TOP2A: variants seen among roughly 807,000 people sequenced by gnomAD.
The protein encoded by TOP2A is DNA topoisomerase 2-alpha.
A neutral mutation model predicts 187.2 loss-of-function variants in TOP2A; 68 were observed. That is an observed-to-expected ratio of 0.36 (90% CI 0.30 to 0.44). TOP2A has a LOEUF of 0.44. Ranked by LOEUF, TOP2A falls within the 20% of genes least tolerant of loss-of-function variation. The pLI is 1.00. For synonymous variants in TOP2A, 542 were observed against 593.2 expected (o/e 0.91, Z 1.25); for missense variants, 1,196 against 1,808.7 (o/e 0.66, Z 6.14).
At chr17:40,399,502 C>T (rs2035148533) in intron 24 of TOP2A, among the ~76,000 whole-genome samples, 1 of 150,534 alleles carries the variant, frequency 6.6e-6, no homozygotes, top group Non-Finnish European at 1.5e-5. Context: ...CGTAATCTTC[C>T]TGCCTTTTTT....
Position 40,411,846 on chromosome 17 carries a change from TAAGA to T in TOP2A, c.790-32_790-29del, listed in dbSNP as rs1390930702. The stretch of plus-strand genomic sequence containing the variant: ...GTACAGGAATTAAAGGTAACAGTAT[TAAGA>T]AAGTTATTAAAAAATAGGTTCAATG... On this transcript the variant is annotated intron_variant, in intron 7 of 34. Coordinates refer to ENST00000423485, the MANE Select transcript of TOP2A (RefSeq NM_001067.4). The surrounding 1 kb of genome is among the most constrained non-coding windows in gnomAD (Gnocchi z 4.4). 9.8e-6 allele frequency: 15 copies of T among 1,531,726 alleles called. No homozygotes were observed. The highest frequency in any genetic ancestry group is 1.3e-5 in the Non-Finnish European group (15 of 1,142,674). 94.9% of individuals were successfully genotyped at this position (1,531,726 alleles called of 1,614,324 possible).
chr17:40,390,241 T>G (rs2035005678), intron 33 of TOP2A, 77 bp from the exon 34 acceptor site: 2 of 1,351,704 alleles, frequency 1.5e-6, no homozygotes, highest in African/African-American at 2.9e-5. Context: ...CAGGCTGGAG[T>G]GCAGTGGTGT....
chr17:40,417,117 G>C (rs912954829), intron 1 of TOP2A, among the ~76,000 whole-genome samples: 2 of 152,074 alleles, frequency 1.3e-5, no homozygotes, highest in African/African-American at 4.8e-5. Context: ...TCACCAAGTG[G>C]GTCTGTCTGG....
chr17:40,403,059 G>T lies in TOP2A; in HGVS notation c.2284-5C>A. On this transcript the variant is annotated splice_region_variant and splice_polypyrimidine_tract_variant and intron_variant, in intron 19 of 34. Transcript: ENST00000423485. ...AATGGTCATCATTAGTGACATCTGT[G>T]GGGAAAAAAAGATTCATTAAGCTGA... is the stretch of plus-strand genomic sequence containing the variant. 6.3e-7 allele frequency: 1 copy of T among 1,587,628 alleles called. No individual in the cohort carries two copies.
Position 40,403,057 on chromosome 17 carries a change from G to A in TOP2A, c.2284-3C>T. 1 of 1,590,058 alleles carries A rather than the reference G, an allele frequency of 6.3e-7. No homozygotes were observed. Among genetic ancestry groups the A allele is most frequent in the Non-Finnish European group, 8.6e-7 (1 of 1,167,066 alleles). On this transcript the variant is annotated splice_region_variant and splice_polypyrimidine_tract_variant and intron_variant, in intron 19 of 34. Transcript: ENST00000423485. ...ATAATGGTCATCATTAGTGACATCT[G>A]TGGGGAAAAAAAGATTCATTAAGCT...
At chr17:40,407,773 A>G in intron 12 of TOP2A, 99 bp from the exon 13 acceptor site, 1 of 1,242,830 alleles carries the variant, frequency 8.0e-7, no homozygotes, top group Non-Finnish European at 1.1e-6. Flanking sequence ...GAGCTCCAGT[A>G]TTTTGAGCTA....
At chr17:40,415,944 A>C (rs2143694529) in intron 4 of TOP2A, 61 bp downstream of exon 4, 1 of 1,196,884 alleles carries the variant, frequency 8.4e-7, no homozygotes, top group Non-Finnish European at 1.2e-6. Flanking sequence ...ACCAGTAATC[A>C]AAATACATGC....
In TOP2A at chr17:40,406,861, G is replaced by A. The variant is rs1352139858; in HGVS notation, c.1708C>T (p.Leu570=). The change falls in exon 14 of 35, where the codon CTG becomes TTG. Residue 570 remains leucine, a synonymous_variant. Transcript: ENST00000423485. Reference sequence around the variant, plus strand: ...ACAATGGGAGTGATAAATTCCTCCAGAAAACGATGTCGCAGAAGAGAGGGC... The same window carrying A: ...ACAATGGGAGTGATAAATTCCTCCAAAAAACGATGTCGCAGAAGAGAGGGC... ...NWPSLLRHRF[L]EEFITPIVKV... 29 of 1,607,308 alleles carry A rather than the reference G, an allele frequency of 1.8e-5. No individual in the cohort carries two copies. Among genetic ancestry groups the A allele is most frequent in the Admixed American group, 5.1e-5 (3 of 58,758 alleles).
At chr17:40,397,285 CTTTTT>C (rs11331486) in intron 27 of TOP2A, among the ~76,000 whole-genome samples, 2 of 131,222 alleles carry the variant, frequency 1.5e-5, no homozygotes, top group African/African-American at 5.7e-5. Flanking sequence ...CTGCTTTCTC[CTTTTT>C]TTTTTTTTTT....
chr17:40,411,100 A>C lies in TOP2A; in HGVS notation c.1203+9T>G, dbSNP rs1173599430. ...GTGTTTCTATTTTTATTTTCCTCTA[A>C]GTACTCACAGCTTTGATAAATTTTT... On this transcript the variant is annotated intron_variant, in intron 10 of 34. Coordinates refer to ENST00000423485, the MANE Select transcript of TOP2A (RefSeq NM_001067.4). The surrounding 1 kb of genome is among the most constrained non-coding windows in gnomAD (Gnocchi z 4.4). 1.3e-6 allele frequency: 2 copies of C among 1,593,996 alleles called. No individual in the cohort carries two copies. Among genetic ancestry groups the C allele is most frequent in the Non-Finnish European group, 8.5e-7 (1 of 1,173,524 alleles).
rs1009430190 is a variant in TOP2A at position 40,416,036 on chromosome 17, T to C, written c.301A>G (p.Lys101Glu). 41 of 1,590,486 alleles carry C rather than the reference T, an allele frequency of 2.6e-5. No individual in the cohort carries two copies. Among genetic ancestry groups the C allele is most frequent in the Non-Finnish European group, 3.4e-5 (40 of 1,166,468 alleles). The change falls in exon 4 of 35, where the codon AAA becomes GAA. Residue 101 changes from lysine to glutamate, a missense_variant. This residue lies in a region of TOP2A where 97 missense variants were observed against 171.0 expected (regional missense o/e 0.57). Transcript: ENST00000423485. ...NAADNKQRDP[K>E]MSCIRVTIDP... ...ATTGTGACTCTAATACAAGACATTT[T>C]TGGGTCCCTTTGTTTGTTGTCCGCA...
At chr17:40,395,311 C>A in intron 29 of TOP2A, 138 bp downstream of exon 29, 7 of 329,252 alleles carry the variant, frequency 2.1e-5, no homozygotes, top group East Asian at 6.1e-5. Context: ...AAAAGAGGTC[C>A]AAGTAGAATT....
At chr17:40,394,065 C>CAAAAAA (rs34089833) in intron 29 of TOP2A, among the ~76,000 whole-genome samples, 2 of 108,644 alleles carry the variant, frequency 1.8e-5, no homozygotes, top group African/African-American at 7.0e-5. Context: ...AACTCTGCCT[C>CAAAAAA]AAAAAAAAAA....
At position 40,400,502 on chromosome 17, in the gene TOP2A, C is replaced by T. The variant is rs28362321; in HGVS notation, c.2799+27G>A. 0.02 allele frequency: 32,116 copies of T among 1,601,094 alleles called. 368 individuals are homozygous for T. The highest frequency in any genetic ancestry group is 0.024 in the Non-Finnish European group (27,922 of 1,175,202). Reference sequence around the variant, plus strand: ...AAAGGTATTTCTTTTGATCACAAACCTAAAAAAGAAATCCATAATTATTTA... The same window carrying T: ...AAAGGTATTTCTTTTGATCACAAACTTAAAAAAGAAATCCATAATTATTTA... On this transcript the variant is annotated intron_variant, in intron 22 of 34. Transcript: ENST00000423485.
chr17:40,406,806 A>G (rs1192142796), intron 14 of TOP2A, 26 bp downstream of exon 14: 3 of 1,587,984 alleles, frequency 1.9e-6, no homozygotes. Flanking sequence ...TAAAATATCC[A>G]TGATGGTACT....
In TOP2A at chr17:40,406,812, GTAC is replaced by G. The variant is rs1567787914; in HGVS notation, c.1737+17_1737+19del. On this transcript the variant is annotated intron_variant, in intron 14 of 34. Transcript: ENST00000423485. Reference sequence around the variant, plus strand: ...GTAGGGTCTTAAAATATCCATGATGGTACTTAGAAATTAGCGTACCTTTACAAT... The same window carrying G: ...GTAGGGTCTTAAAATATCCATGATGGTTAGAAATTAGCGTACCTTTACAAT... 1 of 1,589,700 alleles carries G rather than the reference GTAC, an allele frequency of 6.3e-7. No individual in the cohort carries two copies. Among genetic ancestry groups the G allele is most frequent in the South Asian group, 1.1e-5 (1 of 89,844 alleles).
chr17:40,392,871 G>T, intron 29 of TOP2A, 134 bp from the exon 30 acceptor site: 1 of 786,902 alleles, frequency 1.3e-6, no homozygotes, highest in South Asian at 1.9e-5. Flanking sequence ...GACAGATATG[G>T]TCTCTGTTTT....
At chr17:40,413,044 T>TA (rs2035343269) in intron 6 of TOP2A, 73 bp from the exon 7 acceptor site, 2 of 1,361,054 alleles carry the variant, frequency 1.5e-6, no homozygotes. Flanking sequence ...AACATAAATT[T>TA]ATGAGTCCTA....
At chr17:40,404,956 G>C in intron 16 of TOP2A, 73 bp from the exon 17 acceptor site, 25 of 826,224 alleles carry the variant, frequency 3.0e-5, no homozygotes, top group Non-Finnish European at 4.2e-5. Flanking sequence ...CTTCTACAAA[G>C]AACGAACAAC....
Sources: allele counts gnomAD v4.1 joint callset (sites outside exome capture counted in the v4.1 genomes callset), GRCh38; gene constraint gnomAD v4.1.1; regional missense constraint gnomAD v4.1.1; non-coding constraint Gnocchi (gnomAD v3.1); transcripts MANE v1.5; gene names NCBI Gene and HGNC (gene_info 2026-07-23, HGNC 2026-07-21).